The following RNF19A variants were observed in gnomAD, a reference collection of about 807,000 sequenced individuals.
RNF19A encodes the protein ring finger protein 19A, RBR E3 ubiquitin protein ligase.
A neutral mutation model predicts 75.7 loss-of-function variants in RNF19A; 32 were observed. The observed-to-expected ratio is 0.42, with a 90% CI of 0.32 to 0.57. RNF19A has a LOEUF of 0.57. Among genes scored for constraint, RNF19A ranks in the 20% least tolerant of loss-of-function variants. The probability of loss-of-function intolerance (pLI) is 0.10; values close to 1 mark genes in which losing one functional copy is unlikely to be tolerated. For missense variants in RNF19A, 782 were observed against 1,036.3 expected, an observed-to-expected ratio of 0.75 and a Z score of 3.37; for synonymous variants, 335 against 345.2, an observed-to-expected ratio of 0.97 and a Z score of 0.33.
intron 1 of RNF19A, among the ~76,000 whole-genome samples, chr8:100,326,810 T>C (rs1822539766): frequency 6.6e-6 from 1 of 152,230 alleles, no homozygotes; most frequent in Non-Finnish European, 1.5e-5. Flanking sequence ...AACACAAAAC[T>C]GTATTTGACT....
In RNF19A at chr8:100,309,887, G is replaced by A; in HGVS notation, c.-114C>T. On this transcript the variant is annotated 5_prime_UTR_variant, in exon 1 of 10. Coordinates refer to ENST00000341084, the MANE Select transcript of RNF19A (RefSeq NM_183419.4). ...CGTACCTTTAACTCCTCAGAGCGGC[G>A]GCAGCGCAGGGTGGCGGGCGAGTAG... The A allele has an allele frequency of 6.1e-6, 6 of 985,724 alleles. No individual in the cohort carries two copies. Among genetic ancestry groups the A allele is most frequent in the Non-Finnish European group, 6.0e-6 (5 of 830,154 alleles). 61.1% of individuals were successfully genotyped at this position (985,724 alleles called of 1,614,324 possible). A position where few individuals can be genotyped will look rare whatever the true frequency, so the allele number is the denominator to read the frequency against.
intron 5 of RNF19A, among the ~76,000 whole-genome samples, chr8:100,265,480 C>T (rs184873503): frequency 6.6e-6 from 1 of 152,120 alleles, no homozygotes; most frequent in East Asian, 1.9e-4. Flanking sequence ...ATCATAGAAG[C>T]GGTGATTAAA....
At chr8:100,288,380 G>T (rs3808364) in intron 1 of RNF19A, 113 bp from the exon 2 acceptor site, 16,576 of 647,274 alleles carry the variant, frequency 0.026, 1,531 homozygotes, top group African/African-American at 0.23. Flanking sequence ...AGTAGTAGTT[G>T]TTTTTTTTAA....
chr8:100,288,019 G>A lies in RNF19A; in HGVS notation c.156C>T (p.Ser52=). 6.2e-7 allele frequency: 1 copy of A among 1,614,176 alleles called. No individual in the cohort carries two copies. Among genetic ancestry groups the A allele is most frequent in the South Asian group, 1.1e-5 (1 of 91,086 alleles). The change falls in exon 2 of 10, where the codon AGC becomes AGT. Residue 52 remains serine, a synonymous_variant. Transcript: ENST00000341084. ...TGGGTGCCTTTTTGACTGAAGGCAA[G>A]CTCACAGATGAAGCAGAGGACTGAA... ...RDLQSSASSV[S]LPSVKKAPKK...
At chr8:100,304,493 C>T (rs575525503) in intron 1 of RNF19A, among the ~76,000 whole-genome samples, 2 of 152,200 alleles carry the variant, frequency 1.3e-5, no homozygotes, top group African/African-American at 2.4e-5. Flanking sequence ...CCAGTTCCCA[C>T]CCCCACTTAC....
chr8:100,324,716 A>G lies in RNF19A; in HGVS notation c.-242-11344T>C, dbSNP rs544277912. 6.6e-6 allele frequency among the ~76,000 whole-genome samples: 1 copy of G among 152,362 alleles called. No homozygotes were observed. The highest frequency in any genetic ancestry group is 2.1e-4 in the South Asian group (1 of 4,830). On this transcript the variant is annotated intron_variant, in intron 1 of 3. Coordinates refer to the RNF19A transcript ENST00000519527. The surrounding 1 kb of genome is among the most constrained non-coding windows in gnomAD (Gnocchi z 4.2). The stretch of plus-strand genomic sequence containing the variant: ...TGCTTCAAGAAAATTCAAAATAAAT[A>G]AACAGAACTTCATGACAAGACATTT...
chr8:100,268,938 T>C lies in RNF19A; in HGVS notation c.1038A>G (p.Gly346=), dbSNP rs1260349860. The change falls in exon 5 of 10, where the codon GGA becomes GGG. Residue 346 remains glycine (G), a synonymous_variant. Coordinates refer to ENST00000341084, the MANE Select transcript of RNF19A (RefSeq NM_183419.4). ...AGGGTTTCTTCCCCCAAAAAGTACATCCTGATGGACTAACGGAAAAAATTA... is the reference window on the plus strand; with the variant it reads ...AGGGTTTCTTCCCCCAAAAAGTACACCCTGATGGACTAACGGAAAAAATTA... ...ISDLHYLSPS[G]CTFWGKKPWS... The C allele has an allele frequency of 1.9e-6, 3 of 1,582,900 alleles. No individual in the cohort carries two copies. The highest frequency in any genetic ancestry group is 8.6e-7 in the Non-Finnish European group (1 of 1,162,822).
At chr8:100,318,838 C>T (rs1363453772) in intron 1 of RNF19A, among the ~76,000 whole-genome samples, 1 of 152,066 alleles carries the variant, frequency 6.6e-6, no homozygotes, top group Non-Finnish European at 1.5e-5. Flanking sequence ...CTGTTGGAAA[C>T]GAAGAAAGGG....
intron 1 of RNF19A, among the ~76,000 whole-genome samples, chr8:100,316,524 A>G (rs1822378153): frequency 6.6e-6 from 1 of 152,158 alleles, no homozygotes; most frequent in Admixed American, 6.5e-5. Context: ...CAGATTAGTT[A>G]GATACAGAGT....
At position 100,330,634 on chromosome 8, in the gene RNF19A, A is replaced by G. The variant is rs1490001717; in HGVS notation, c.-243+5474T>C. Among the ~76,000 whole-genome samples, 1 of 152,224 alleles carries G rather than the reference A, an allele frequency of 6.6e-6. No homozygotes were observed. The highest frequency in any genetic ancestry group is 6.5e-5 in the Admixed American group (1 of 15,282). On this transcript the variant is annotated intron_variant, in intron 1 of 3. Coordinates refer to the RNF19A transcript ENST00000519527. The surrounding 1 kb of genome is among the most constrained non-coding windows in gnomAD (Gnocchi z 4.1). Reference sequence around the variant, plus strand: ...GTGTTGGGGAGGGTGGAGAAAGAGAACGAATATCCTGATGATATTGTTGAG... The same window carrying G: ...GTGTTGGGGAGGGTGGAGAAAGAGAGCGAATATCCTGATGATATTGTTGAG...
rs894142775 is a variant in RNF19A, at chr8:100,329,765, A to G, written c.-243+6343T>C. 6.6e-6 allele frequency among the ~76,000 whole-genome samples: 1 copy of G among 152,264 alleles called. No homozygotes were observed. The highest frequency in any genetic ancestry group is 1.5e-5 in the Non-Finnish European group (1 of 68,048). ...AACACTTAAAGGATCGTCTGATGAA[A>G]GAAGAAGTAGCTTCATGGTTTGTTA... On this transcript the variant is annotated intron_variant, in intron 1 of 3. Coordinates refer to the RNF19A transcript ENST00000519527. This position sits in a 1 kb window ranked among gnomAD's most constrained non-coding sequence, Gnocchi z 4.3.
chr8:100,293,076 T>C (rs1821384391), intron 1 of RNF19A, among the ~76,000 whole-genome samples: 1 of 152,216 alleles, frequency 6.6e-6, no homozygotes, highest in Non-Finnish European at 1.5e-5. Flanking sequence ...AATACTCCTA[T>C]GAGAAATCAT....
intron 1 of RNF19A, among the ~76,000 whole-genome samples, chr8:100,316,229 G>A (rs574942863): frequency 6.6e-6 from 1 of 152,210 alleles, no homozygotes; most frequent in East Asian, 1.9e-4. Context: ...CAGGAGTGAA[G>A]CAGCAGACCT....
At position 100,288,127 on chromosome 8, in the gene RNF19A, C is replaced by A. The variant is rs1275176694; in HGVS notation, c.48G>T (p.Leu16=). ...TTGAGACAGGGTCAGTGTTTACACACAGCCCTTCATTATATTTAGAGATAA... is the reference window on the plus strand; with the variant it reads ...TTGAGACAGGGTCAGTGTTTACACAAAGCCCTTCATTATATTTAGAGATAA... The part of the protein sequence containing the change: ...IGFISKYNEG[L]CVNTDPVSIL... Residue 16 remains leucine (L), a synonymous_variant, in exon 2 of 10, where the codon CTG becomes CTT. Transcript: ENST00000341084. 6.2e-7 allele frequency: 1 copy of A among 1,613,348 alleles called. No individual in the cohort carries two copies. Among genetic ancestry groups the A allele is most frequent in the Non-Finnish European group, 8.5e-7 (1 of 1,179,764 alleles).
intron 1 of RNF19A, among the ~76,000 whole-genome samples, chr8:100,308,998 C>T (rs1822176359): frequency 6.6e-6 from 1 of 152,196 alleles, no homozygotes; most frequent in African/African-American, 2.4e-5. Context: ...ACTCTCTTCC[C>T]TCTTTTTATT....
chr8:100,281,040 TCAAA>T (rs1820759387), intron 2 of RNF19A, among the ~76,000 whole-genome samples: 1 of 152,186 alleles, frequency 6.6e-6, no homozygotes, highest in African/African-American at 2.4e-5. Context: ...CATCTCTGAC[TCAAA>T]CAGCCCCCAG....
At chr8:100,296,814 C>T (rs1158558963) in intron 1 of RNF19A, among the ~76,000 whole-genome samples, 2 of 152,142 alleles carry the variant, frequency 1.3e-5, no homozygotes, top group African/African-American at 2.4e-5. Context: ...AATTCTATTC[C>T]ATTAGAAGTA....
At chr8:100,279,435 G>A (rs939629459) in intron 2 of RNF19A, among the ~76,000 whole-genome samples, 2 of 152,052 alleles carry the variant, frequency 1.3e-5, no homozygotes, top group African/African-American at 2.4e-5. Context: ...GCACAGTGGT[G>A]CAATCTCGGC....
chr8:100,289,683 A>G (rs934080723), intron 1 of RNF19A, among the ~76,000 whole-genome samples: 21 of 152,196 alleles, frequency 1.4e-4, no homozygotes, highest in African/African-American at 2.4e-4. Flanking sequence ...ACTCTCTTAC[A>G]CTACTCGTGG....
Sources: gnomAD v4.1 joint callset for allele counts (sites outside exome capture counted in the v4.1 genomes callset) on GRCh38, gnomAD v4.1.1 for gene constraint, Gnocchi (gnomAD v3.1) non-coding constraint, MANE v1.5 for transcripts, NCBI Gene and HGNC (gene_info 2026-07-23, HGNC 2026-07-21) for gene names.